The following DZIP3 variants were observed in gnomAD, a reference collection of about 807,000 sequenced individuals.
DZIP3 encodes the protein E3 ubiquitin-protein ligase DZIP3.
Under a neutral mutation model 162.0 loss-of-function variants are expected in DZIP3, and 118 were observed. That is an observed-to-expected ratio of 0.73 (90% confidence interval 0.63 to 0.85). DZIP3 has a LOEUF of 0.85. Among genes scored for constraint, DZIP3 ranks in the 40% least tolerant of loss-of-function variants. The probability of loss-of-function intolerance (pLI) is 0.00; values close to 1 mark genes in which losing one functional copy is unlikely to be tolerated. For missense variants in DZIP3, 1,331 were observed against 1,407.0 expected (o/e 0.95, Z 0.86); for synonymous variants, 438 against 458.6 (o/e 0.96, Z 0.57).
intron 21 of DZIP3, among the ~76,000 whole-genome samples, chr3:108,663,296 C>T (rs1397785945): frequency 6.6e-6 from 1 of 152,154 alleles, no homozygotes; most frequent in East Asian, 1.9e-4. Context: ...GTGGCTCATG[C>T]CTGTAATCCC....
intron 1 of DZIP3, among the ~76,000 whole-genome samples, chr3:108,600,828 T>C (rs1939967960): frequency 6.6e-6 from 1 of 152,168 alleles, no homozygotes; most frequent in African/African-American, 2.4e-5. Context: ...AGATAAGGAA[T>C]ACCCTTACAG....
intron 1 of DZIP3, among the ~76,000 whole-genome samples, chr3:108,603,456 T>C (rs1301390309): frequency 6.6e-6 from 1 of 152,210 alleles, no homozygotes. Flanking sequence ...TTCATCAGTA[T>C]TTGAACAGAG....
intron 17 of DZIP3, among the ~76,000 whole-genome samples, chr3:108,649,482 T>G (rs1423980098): frequency 6.6e-6 from 1 of 151,882 alleles, no homozygotes; most frequent in Non-Finnish European, 1.5e-5. Context: ...CTAGCACAGT[T>G]TTACCAGTGA....
At chr3:108,675,976 A>G (rs573142987) in intron 25 of DZIP3, 103 bp downstream of exon 25, 2 of 1,043,326 alleles carry the variant, frequency 1.9e-6, no homozygotes, top group East Asian at 2.9e-5. Flanking sequence ...CATATTTTCC[A>G]TTTTAGTTAT....
chr3:108,638,411 G>T (rs1458229300), intron 12 of DZIP3, among the ~76,000 whole-genome samples: 1 of 152,080 alleles, frequency 6.6e-6, no homozygotes, highest in African/African-American at 2.4e-5. Flanking sequence ...TGCCTCCCGG[G>T]TTCACACCAT....
intron 14 of DZIP3, among the ~76,000 whole-genome samples, chr3:108,645,370 T>C (rs1942579257): frequency 1.3e-5 from 2 of 152,232 alleles, no homozygotes; most frequent in Admixed American, 1.3e-4. Context: ...TTTCTTCTAC[T>C]TTCTAGCAGA....
intron 5 of DZIP3, among the ~76,000 whole-genome samples, chr3:108,619,246 A>G (rs1426476323): frequency 6.6e-6 from 1 of 151,916 alleles, no homozygotes; most frequent in Non-Finnish European, 1.5e-5. Flanking sequence ...AGGGTTCTCC[A>G]GAGAAACCAG....
At chr3:108,616,189 G>A (rs1017547337) in intron 4 of DZIP3, among the ~76,000 whole-genome samples, 4 of 152,052 alleles carry the variant, frequency 2.6e-5, no homozygotes, top group African/African-American at 9.6e-5. Context: ...GTGTGAACAC[G>A]GGAGGCGGAG....
chr3:108,618,559 G>A (rs1941141325), intron 5 of DZIP3, among the ~76,000 whole-genome samples: 1 of 152,170 alleles, frequency 6.6e-6, no homozygotes, highest in African/African-American at 2.4e-5. Flanking sequence ...CCTCTTCAGG[G>A]ATGAGAATTT....
intron 4 of DZIP3, among the ~76,000 whole-genome samples, chr3:108,615,041 C>G (rs1486105438): frequency 2.6e-5 from 4 of 152,274 alleles, no homozygotes; most frequent in Admixed American, 2.0e-4. Flanking sequence ...CAGGGCTGCT[C>G]CTCCTTATAG....
At position 108,684,357 on chromosome 3, in the gene DZIP3, G is replaced by C. The variant is rs775773139; in HGVS notation, c.3009+16G>C. The stretch of plus-strand genomic sequence containing the variant: ...AGCCCCCCTGGTAAAAGCTTTCTTG[G>C]TGGAATAGATGTTAATTAGTTTTTT... On this transcript the variant is annotated intron_variant, in intron 27 of 32. Transcript: ENST00000361582. The C allele has an allele frequency of 3.1e-6, 5 of 1,602,818 alleles. No homozygotes were observed. The African/African-American group carries it at 5.4e-5, about 17-fold the overall frequency.
At chr3:108,661,252 TA>T (rs1943415550) in intron 19 of DZIP3, among the ~76,000 whole-genome samples, 1 of 152,142 alleles carries the variant, frequency 6.6e-6, no homozygotes, top group Non-Finnish European at 1.5e-5. Flanking sequence ...CCAACAATGA[TA>T]GACTGGATTA....
Position 108,635,698 on chromosome 3 carries a change from TTATAA to T in DZIP3, c.918+731_918+735del, listed in dbSNP as rs1437445871. ...TATATAACATAACTGTTATTAGCTA[TTATAA>T]TATATAACATATAATAGAGTTGTTT... is the stretch of plus-strand genomic sequence containing the variant. On this transcript the variant is annotated intron_variant, in intron 10 of 32. Coordinates refer to ENST00000361582, the MANE Select transcript of DZIP3 (RefSeq NM_014648.4). Among the ~76,000 whole-genome samples, 8 of 148,454 alleles carry T rather than the reference TTATAA, an allele frequency of 5.4e-5. No homozygotes were observed. In the East Asian group the frequency reaches 1.6e-3, roughly 29 times the overall value.
intron 1 of DZIP3, among the ~76,000 whole-genome samples, chr3:108,597,611 T>C (rs1052878621): frequency 3.3e-5 from 5 of 152,182 alleles, no homozygotes; most frequent in African/African-American, 9.7e-5. Context: ...AGAAAATAAA[T>C]ACTATCAGGC....
chr3:108,591,542 C>T (rs1441109758), intron 1 of DZIP3, among the ~76,000 whole-genome samples: 1 of 152,186 alleles, frequency 6.6e-6, no homozygotes, highest in East Asian at 1.9e-4. Context: ...TAATTAATAT[C>T]AAATGTCTTT....
intron 25 of DZIP3, among the ~76,000 whole-genome samples, chr3:108,676,861 C>T (rs13085031): frequency 0.35 from 53,615 of 151,934 alleles, 9,984 homozygotes; most frequent in East Asian, 0.53. Flanking sequence ...CTTCCCAGTT[C>T]CTACGCGTTC....
Position 108,635,317 on chromosome 3 carries a change from A to G in DZIP3, c.918+345A>G, listed in dbSNP as rs140926362. On this transcript the variant is annotated intron_variant, in intron 10 of 32. Coordinates refer to ENST00000361582, the MANE Select transcript of DZIP3 (RefSeq NM_014648.4). ...TTGTTGCATATATGCACATAGGATC[A>G]TAGAATAGAATTTCTTAGTAAAAAC... The G allele has an allele frequency of 2.7e-5, 7 of 254,770 alleles. No homozygotes were observed. The East Asian group carries it at 7.6e-4, about 28-fold the overall frequency. The allele number at this position is 254,770 out of a possible 1,614,324, so 15.8% of individuals were successfully genotyped here.
chr3:108,650,883 AAG>A (rs1267665660), intron 17 of DZIP3, among the ~76,000 whole-genome samples: 2 of 151,724 alleles, frequency 1.3e-5, no homozygotes, highest in African/African-American at 4.8e-5. Context: ...GTTTTAAAAA[AAG>A]GAAATAGGAA....
intron 9 of DZIP3, among the ~76,000 whole-genome samples, chr3:108,633,622 A>G (rs1285638100): frequency 6.7e-6 from 1 of 149,250 alleles, no homozygotes; most frequent in African/African-American, 2.5e-5. Flanking sequence ...CTCTCTCTGG[A>G]TCTATCAGAG....
Sources: gnomAD v4.1 joint callset for allele counts (sites outside exome capture counted in the v4.1 genomes callset) on GRCh38, gnomAD v4.1.1 for gene constraint, MANE v1.5 for transcripts, NCBI Gene and HGNC (gene_info 2026-07-23, HGNC 2026-07-21) for gene names.